Variants in OTOA observed in about 807,000 individuals in gnomAD.
The protein encoded by OTOA is cancer/testis antigen 108.
OTOA carries 70 observed loss-of-function variants against 110.8 expected under a neutral mutation model. That is an observed-to-expected ratio of 0.63 (90% confidence interval 0.52 to 0.77). The LOEUF (loss-of-function observed/expected upper bound fraction) is 0.77. OTOA is among the 30% of genes least tolerant of loss of function. OTOA has a pLI of 0.00. For missense variants in OTOA, 917 were observed against 1,075.8 expected, an observed-to-expected ratio of 0.85 and a Z score of 2.06; for synonymous variants, 373 against 431.5, an observed-to-expected ratio of 0.86 and a Z score of 1.68.
chr16:21,717,457 A>G (rs942717361), intron 15 of OTOA, among the ~76,000 whole-genome samples: 24 of 152,042 alleles, frequency 1.6e-4, no homozygotes, highest in African/African-American at 5.8e-4. Flanking sequence ...AAAAAGTTAG[A>G]CAAGACCTGA....
At chr16:21,730,221 C>A (rs1899065531) in intron 20 of OTOA, 1 of 155,494 alleles carries the variant, frequency 6.4e-6, no homozygotes. Context: ...ACAGTGGATT[C>A]TGGGTCAGTG....
chr16:21,680,641 C>T (rs1388599859), intron 5 of OTOA, among the ~76,000 whole-genome samples: 4 of 151,998 alleles, frequency 2.6e-5, no homozygotes, highest in Admixed American at 2.6e-4. Context: ...TCGCTTAAGG[C>T]CAGGAGTTCC....
At chr16:21,718,990 T>A (rs2141703772) in intron 15 of OTOA, 143 bp from the exon 16 acceptor site, 4 of 806,954 alleles carry the variant, frequency 5.0e-6, no homozygotes, top group Middle Eastern at 3.5e-4. Flanking sequence ...AATGGTCTAG[T>A]CCTAGGTAAC....
chr16:21,670,002 T>C (rs1966846936), intron 1 of OTOA, among the ~76,000 whole-genome samples: 1 of 152,000 alleles, frequency 6.6e-6, no homozygotes, highest in Non-Finnish European at 1.5e-5. Context: ...GGTGGGCACC[T>C]ATAATCCCAG....
chr16:21,714,401 CTTTCTTTCTCTT>C (rs1224859666), intron 13 of OTOA, among the ~76,000 whole-genome samples: 1 of 144,172 alleles, frequency 6.9e-6, no homozygotes, highest in African/African-American at 2.6e-5. Context: ...CTTTCTTTCT[CTTTCTTTCTCTT>C]TCTTTCTTTC....
rs1462960055 is a variant in OTOA, at chr16:21,691,677, C to T, written c.729C>T (p.Ser243=). ...SWMTGILQTS[S]NATDDSASWV... is the part of the protein sequence containing the mutation. ...TGACTGGAATACTGCAGACATCCTCCAATGCCACTGGTGAGCCTGTACTTG... is the reference window on the plus strand; with the variant it reads ...TGACTGGAATACTGCAGACATCCTCTAATGCCACTGGTGAGCCTGTACTTG... Residue 243 remains serine (S), a synonymous_variant, in exon 9 of 29, where the codon TCC becomes TCT. Transcript: ENST00000646100. 1.9e-6 allele frequency: 3 copies of T among 1,613,380 alleles called. No individual in the cohort carries two copies. The highest frequency in any genetic ancestry group is 2.2e-5 in the East Asian group (1 of 44,892).
At chr16:21,684,768 T>A (rs674917) in intron 6 of OTOA, among the ~76,000 whole-genome samples, 2,347 of 13,814 alleles carry the variant, frequency 0.17, 58 homozygotes, top group South Asian at 0.3. Context: ...TATTATTATT[T>A]TTTAGGTGGA....
intron 11 of OTOA, 152 bp downstream of exon 11, chr16:21,701,179 G>A (rs1033629928): frequency 4.3e-6 from 5 of 1,172,988 alleles, no homozygotes; most frequent in African/African-American, 3.0e-5. Flanking sequence ...TGTGAGGAGA[G>A]GTGTCTGCAA....
chr16:21,707,593 TTTTCTTTC>T (rs58214995), intron 12 of OTOA, among the ~76,000 whole-genome samples: 6,658 of 94,008 alleles, frequency 0.071, 278 homozygotes, highest in African/African-American at 0.092. Flanking sequence ...TTCTCCTTCC[TTTTCTTTC>T]TTTCTTTCTT....
intron 21 of OTOA, among the ~76,000 whole-genome samples, chr16:21,734,710 A>C (rs79807679): frequency 1.3e-5 from 2 of 151,902 alleles, no homozygotes; most frequent in African/African-American, 2.4e-5. Context: ...GGTGGTGGGC[A>C]CATGTAGTCC....
chr16:21,722,805 A>G lies in OTOA; in HGVS notation c.1807-100A>G, dbSNP rs527914045. On this transcript the variant is annotated intron_variant, in intron 17 of 28. Transcript: ENST00000646100. Reference sequence around the variant, plus strand: ...ATAGGGTGCTCTATTGCATAAATGAACACGTATGAAGCACTTAGAATAGTA... The same window carrying G: ...ATAGGGTGCTCTATTGCATAAATGAGCACGTATGAAGCACTTAGAATAGTA... The G allele has an allele frequency of 2.9e-5, 30 of 1,042,876 alleles. No individual in the cohort carries two copies. In the South Asian group the frequency reaches 3.6e-4, roughly 13 times the overall value. 64.6% of individuals were successfully genotyped at this position (1,042,876 alleles called of 1,614,324 possible).
chr16:21,685,280 G>A lies in OTOA; in HGVS notation c.318G>A (p.Leu106=). ...LEQRLHQPQK[L]LEDLRKTDAQ... is the part of the protein sequence containing the mutation. The stretch of plus-strand genomic sequence containing the variant: ...AGCGTCTGCACCAGCCCCAGAAGCT[G>A]CTGGAGGACCTGAGGAAGACAGACG... The change falls in exon 7 of 29, where the codon CTG becomes CTA. Residue 106 remains leucine, a synonymous_variant. Coordinates refer to ENST00000646100, the MANE Select transcript of OTOA (RefSeq NM_144672.4). 2 of 1,613,300 alleles carry A rather than the reference G, an allele frequency of 1.2e-6. No homozygotes were observed. Among genetic ancestry groups the A allele is most frequent in the East Asian group, 2.2e-5 (1 of 44,852 alleles).
intron 24 of OTOA, among the ~76,000 whole-genome samples, chr16:21,750,339 G>A (rs1899794738): frequency 7.3e-6 from 1 of 136,342 alleles, no homozygotes; most frequent in Non-Finnish European, 1.6e-5. Flanking sequence ...CTTGAACCTG[G>A]GAGAGGGAGG....
At chr16:21,689,084 G>T (rs1389577071) in intron 8 of OTOA, among the ~76,000 whole-genome samples, 1 of 152,176 alleles carries the variant, frequency 6.6e-6, no homozygotes, top group East Asian at 1.9e-4. Flanking sequence ...AACCAAATTC[G>T]AGGATTGTGT....
intron 1 of OTOA, among the ~76,000 whole-genome samples, chr16:21,664,527 T>A (rs906415832): frequency 1.3e-5 from 2 of 152,120 alleles, no homozygotes; most frequent in Admixed American, 1.3e-4. Flanking sequence ...CAATGATTAT[T>A]TGTTATAATA....
chr16:21,700,072 G>A (rs1028731575), intron 10 of OTOA, among the ~76,000 whole-genome samples: 4 of 152,102 alleles, frequency 2.6e-5, no homozygotes, highest in African/African-American at 9.7e-5. Flanking sequence ...AGACTTGCAC[G>A]TGGCACCCTT....
intron 9 of OTOA, among the ~76,000 whole-genome samples, chr16:21,694,024 C>G (rs1051299364): frequency 6.6e-6 from 1 of 152,178 alleles, no homozygotes; most frequent in African/African-American, 2.4e-5. Context: ...CAGCTGTAGA[C>G]AATAGATGAA....
chr16:21,719,957 CTTTT>C (rs761325846), intron 17 of OTOA, among the ~76,000 whole-genome samples: 1 of 136,550 alleles, frequency 7.3e-6, no homozygotes. Context: ...TAACTGATTT[CTTTT>C]TTTTTTTTTT....
chr16:21,674,826 T>C (rs1224317757), intron 1 of OTOA, among the ~76,000 whole-genome samples: 1 of 151,338 alleles, frequency 6.6e-6, no homozygotes, highest in Non-Finnish European at 1.5e-5. Flanking sequence ...TGCTTATTTA[T>C]TTTTTAGTTT....
Sources: allele counts gnomAD v4.1 joint callset (sites outside exome capture counted in the v4.1 genomes callset), GRCh38; gene constraint gnomAD v4.1.1; transcripts MANE v1.5; gene names NCBI Gene and HGNC (gene_info 2026-07-23, HGNC 2026-07-21).